ADD1: variants seen among roughly 807,000 people sequenced by gnomAD.
ADD1 encodes the protein alpha-adducin.
A neutral mutation model predicts 80.5 loss-of-function variants in ADD1; 24 were observed. The ratio of observed to expected loss-of-function variants is 0.30; its 90% CI spans 0.22 to 0.42. ADD1 has a LOEUF of 0.42. Ranked by LOEUF, ADD1 falls within the 10% of genes least tolerant of loss-of-function variation. The pLI is 1.00. For synonymous variants in ADD1, 373 were observed against 393.8 expected, an observed-to-expected ratio of 0.95 and a Z score of 0.63; for missense variants, 948 against 1,019.0, an observed-to-expected ratio of 0.93 and a Z score of 0.95.
rs767042884 is a variant in ADD1 at position 2,891,852 on chromosome 4, A to C, written c.511-2161A>C. Among the ~76,000 whole-genome samples, 3 of 152,218 alleles carry C rather than the reference A, an allele frequency of 2.0e-5. No homozygotes were observed. In the East Asian group the frequency reaches 5.8e-4, roughly 29 times the overall value. ...GGTGAGTTTAGCCTACAGATCATATAAGGGGAGACAGGATAGATTTAGATG... is the reference window on the plus strand; with the variant it reads ...GGTGAGTTTAGCCTACAGATCATATCAGGGGAGACAGGATAGATTTAGATG... On this transcript the variant is annotated intron_variant, in intron 4 of 15. Transcript: ENST00000683351.
chr4:2,925,890 GGTTGAGA>G (rs759412431), intron 14 of ADD1, 117 bp from the exon 15 acceptor site: 153 of 704,598 alleles, frequency 2.2e-4, no homozygotes, highest in Non-Finnish European at 3.1e-4. Context: ...TCAGGGAAAG[GGTTGAGA>G]GAGCCCTGCC....
intron 14 of ADD1, among the ~76,000 whole-genome samples, chr4:2,920,282 TGTG>T (rs1739781867): frequency 6.6e-6 from 1 of 152,206 alleles, no homozygotes; most frequent in Non-Finnish European, 1.5e-5. Flanking sequence ...ATAAGTGCGA[TGTG>T]GTGCTGAGAA....
rs767976701 is a variant in ADD1 at position 2,882,004 on chromosome 4, A to G, written c.302A>G (p.Asn101Ser). Residue 101 changes from asparagine (N) to serine (S), a missense_variant, in exon 3 of 16, where the codon AAT becomes AGT. Asn to Ser is a conservative substitution (Grantham distance 46). Transcript: ENST00000683351. ...LQQIADFMTTNVPNVYPAAPQ... is the reference protein window; with the variant it reads ...LQQIADFMTTSVPNVYPAAPQ... Reference sequence around the variant, plus strand: ...CAGATTGCAGATTTTATGACCACGAATGTACCAAATGTCTACCCAGCAGCT... The same window carrying G: ...CAGATTGCAGATTTTATGACCACGAGTGTACCAAATGTCTACCCAGCAGCT... The G allele has an allele frequency of 2.4e-5, 38 of 1,613,128 alleles. No individual in the cohort carries two copies. The African/African-American group carries it at 4.9e-4, about 21-fold the overall frequency.
rs374706149 is a variant in ADD1 at position 2,877,308 on chromosome 4, AAC to A, written c.195+1200_195+1201del. On this transcript the variant is annotated intron_variant, in intron 2 of 15. Coordinates refer to ENST00000683351, the MANE Select transcript of ADD1 (RefSeq NM_001354761.2). ...GAAGTTTATTGATTTTCTTAAAAAA[AAC>A]AAAAGATGTTGATTGTCTCTTATGT... is the stretch of plus-strand genomic sequence containing the variant. Among the ~76,000 whole-genome samples, 165 of 152,194 alleles carry A rather than the reference AAC, an allele frequency of 1.1e-3. 1 individual carries two copies. The highest frequency in any genetic ancestry group is 3.6e-3 in the Admixed American group (55 of 15,272).
intron 1 of ADD1, among the ~76,000 whole-genome samples, chr4:2,873,945 C>T (rs1201646451): frequency 6.6e-6 from 1 of 152,208 alleles, no homozygotes; most frequent in African/African-American, 2.4e-5. Flanking sequence ...AGGCTGGGCT[C>T]TTGCCTGTAA....
chr4:2,908,134 G>C (rs1328299619), intron 11 of ADD1, among the ~76,000 whole-genome samples: 1 of 152,270 alleles, frequency 6.6e-6, no homozygotes, highest in Non-Finnish European at 1.5e-5. Context: ...GCAGACTGCT[G>C]TCCCTTTCAG....
At chr4:2,871,097 T>TA in intron 1 of ADD1, among the ~76,000 whole-genome samples, 1 of 151,868 alleles carries the variant, frequency 6.6e-6, no homozygotes, top group Non-Finnish European at 1.5e-5. Flanking sequence ...GCCTCCCGAG[T>TA]AGCTGGGACT....
intron 4 of ADD1, among the ~76,000 whole-genome samples, chr4:2,890,362 A>C (rs1228008238): frequency 3.3e-5 from 5 of 152,208 alleles, no homozygotes; most frequent in Non-Finnish European, 4.4e-5. Context: ...CCAGGAAATT[A>C]TAAATTCATA....
intron 1 of ADD1, among the ~76,000 whole-genome samples, chr4:2,869,421 T>C (rs1730071044): frequency 6.6e-6 from 1 of 152,144 alleles, no homozygotes; most frequent in African/African-American, 2.4e-5. Context: ...GCATTTTCCG[T>C]TTTATAAGGA....
rs577146556 is a variant in ADD1 at position 2,850,751 on chromosome 4, G to A, written c.-21+6727G>A. On this transcript the variant is annotated intron_variant, in intron 1 of 15. Coordinates refer to ENST00000683351, the MANE Select transcript of ADD1 (RefSeq NM_001354761.2). ...CGCCCGGCTAATTTTTATATTTGTA[G>A]TAGAGATGGGGTTTCACCACGTTGC... Among the ~76,000 whole-genome samples, 394 of 151,678 alleles carry A rather than the reference G, an allele frequency of 2.6e-3. 3 individuals carry two copies. The highest frequency in any genetic ancestry group is 9.2e-3 in the African/African-American group (380 of 41,330).
At chr4:2,928,104 C>T (rs1712205164) in intron 15 of ADD1, 67 bp from the exon 16 acceptor site, 4 of 1,393,622 alleles carry the variant, frequency 2.9e-6, no homozygotes, top group Admixed American at 2.1e-5. Context: ...TGGGGCTCCC[C>T]CATCTCAAGC....
chr4:2,911,448 A>ATATATATATATATATATATTTTTTTTTT (rs553567632), intron 13 of ADD1, among the ~76,000 whole-genome samples: 24 of 130,476 alleles, frequency 1.8e-4, no homozygotes, highest in African/African-American at 6.8e-4. Context: ...ATATATATAT[A>ATATATATATATATATATATTTTTTTTTT]TTTTTTTTTT....
At chr4:2,873,492 C>G (rs1476744026) in intron 1 of ADD1, among the ~76,000 whole-genome samples, 1 of 152,122 alleles carries the variant, frequency 6.6e-6, no homozygotes, top group Non-Finnish European at 1.5e-5. Context: ...ATGTATATAC[C>G]TGGCCTGCAG....
rs1056160387 is a variant in ADD1, at chr4:2,894,662, C to G, written c.672C>G (p.His224Gln). The change falls in exon 6 of 16, where the codon CAC becomes CAG. Residue 224 changes from histidine to glutamine, a missense_variant. By Grantham distance (24) the His-to-Gln change is conservative. Coordinates refer to ENST00000683351, the MANE Select transcript of ADD1 (RefSeq NM_001354761.2). ...TGAATCAGGCCGGCTTCACCTTACA[C>G]TCTGCAATTTATGCTGCACGCCCGG... ...LGVNQAGFTL[H>Q]SAIYAARPDV... The G allele has an allele frequency of 6.2e-7, 1 of 1,608,964 alleles. No homozygotes were observed. Among genetic ancestry groups the G allele is most frequent in the Non-Finnish European group, 8.5e-7 (1 of 1,178,658 alleles).
chr4:2,890,801 TTGTA>T (rs1225207680), intron 4 of ADD1, among the ~76,000 whole-genome samples: 1 of 152,166 alleles, frequency 6.6e-6, no homozygotes, highest in African/African-American at 2.4e-5. Context: ...GTAAATACCC[TTGTA>T]TGTGTGTTTT....
intron 1 of ADD1, among the ~76,000 whole-genome samples, chr4:2,855,692 C>T (rs1196664674): frequency 1.3e-5 from 2 of 151,084 alleles, no homozygotes; most frequent in East Asian, 3.9e-4. Flanking sequence ...GACTGGAGTG[C>T]ACAAGTTTTT....
At chr4:2,894,122 G>T in intron 5 of ADD1, 29 bp downstream of exon 5, 1 of 1,555,810 alleles carries the variant, frequency 6.4e-7, no homozygotes, top group Non-Finnish European at 8.9e-7. Flanking sequence ...TTGGCAGCTT[G>T]TATGTGCAGG....
At chr4:2,875,831 C>G (rs549250580) in intron 1 of ADD1, 65 bp from the exon 2 acceptor site, 1 of 1,286,880 alleles carries the variant, frequency 7.8e-7, no homozygotes, top group East Asian at 2.4e-5. Context: ...AGCTCATGTG[C>G]TCATCATGAA....
chr4:2,872,190 C>T (rs1013418785), intron 1 of ADD1, among the ~76,000 whole-genome samples: 1 of 152,126 alleles, frequency 6.6e-6, no homozygotes, highest in Non-Finnish European at 1.5e-5. Context: ...TTATTTGTCA[C>T]GGTTCATCCA....
Sources: allele counts gnomAD v4.1 joint callset (sites outside exome capture counted in the v4.1 genomes callset), GRCh38; gene constraint gnomAD v4.1.1; transcripts MANE v1.5; gene names NCBI Gene and HGNC (gene_info 2026-07-23, HGNC 2026-07-21).